Variants in SORCS2 observed in about 807,000 individuals in gnomAD.
SORCS2 encodes sortilin related VPS10 domain containing receptor 2, also known as VPS10 domain-containing receptor SorCS2.
SORCS2 carries 100 observed loss-of-function variants against 141.6 expected under a neutral mutation model. The ratio of observed to expected loss-of-function variants is 0.71; its 90% CI spans 0.60 to 0.83. SORCS2 has a LOEUF of 0.83. SORCS2 is among the 40% of genes least tolerant of loss of function. The pLI is 0.00. For missense variants in SORCS2, 1,646 were observed against 1,560.2 expected (o/e 1.05, Z -0.93); for synonymous variants, 789 against 676.9 (o/e 1.17, Z -2.57).
At chr4:7,654,661 G>A (rs976023211) in intron 5 of SORCS2, among the ~76,000 whole-genome samples, 22 of 152,116 alleles carry the variant, frequency 1.4e-4, no homozygotes, top group Admixed American at 5.9e-4. Flanking sequence ...CGTGGGTGCC[G>A]ACCCGGCCTG....
intron 10 of SORCS2, among the ~76,000 whole-genome samples, chr4:7,687,277 A>G (rs1056024554): frequency 6.6e-6 from 1 of 152,118 alleles, no homozygotes; most frequent in Non-Finnish European, 1.5e-5. Flanking sequence ...GCAGAAGCCC[A>G]ACCCTGCCTA....
intron 1 of SORCS2, among the ~76,000 whole-genome samples, chr4:7,230,785 G>A (rs1711815573): frequency 6.6e-6 from 1 of 151,798 alleles, no homozygotes; most frequent in South Asian, 2.1e-4. Flanking sequence ...GTATGATGGA[G>A]ATGAAGATGG....
At chr4:7,530,232 G>A (rs1711529297) in intron 2 of SORCS2, among the ~76,000 whole-genome samples, 1 of 152,208 alleles carries the variant, frequency 6.6e-6, no homozygotes, top group Admixed American at 6.5e-5. Context: ...TGTCCCCTCG[G>A]CCCCCAGAGG....
chr4:7,540,973 G>A (rs186171886), intron 3 of SORCS2, among the ~76,000 whole-genome samples: 3 of 152,234 alleles, frequency 2.0e-5, no homozygotes, highest in Admixed American at 6.5e-5. Flanking sequence ...AGTGCGTGAG[G>A]CATGGGGGTA....
Position 7,284,181 on chromosome 4 carries a change from T to C in SORCS2, c.480+91055T>C, listed in dbSNP as rs929171410. Among the ~76,000 whole-genome samples the C allele has an allele frequency of 2.6e-5, 4 of 152,174 alleles. No homozygotes were observed. The Middle Eastern group carries it at 0.01, about 388-fold the overall frequency. On this transcript the variant is annotated intron_variant, in intron 1 of 26. Coordinates refer to ENST00000507866, the MANE Select transcript of SORCS2 (RefSeq NM_020777.3). ...AAGCACGAAGCTCCTTCCCTGGCCA[T>C]TTTCAACTGGGACAGGGCAGGAGGG...
chr4:7,720,380 A>G (rs1214176908), intron 18 of SORCS2, among the ~76,000 whole-genome samples: 2 of 152,222 alleles, frequency 1.3e-5, no homozygotes, highest in Admixed American at 1.3e-4. Flanking sequence ...AAAATTGCCT[A>G]GATTTAAATG....
At chr4:7,305,918 G>A (rs1041774824) in intron 1 of SORCS2, among the ~76,000 whole-genome samples, 4 of 152,240 alleles carry the variant, frequency 2.6e-5, no homozygotes, top group African/African-American at 4.8e-5. Context: ...GTGCAAACAC[G>A]GAGGGGTGAG....
chr4:7,603,625 A>T (rs1050421610), intron 3 of SORCS2, among the ~76,000 whole-genome samples: 6 of 152,224 alleles, frequency 3.9e-5, no homozygotes, highest in Non-Finnish European at 5.9e-5. Context: ...ATTATCTGAT[A>T]AGTCCAATAT....
At chr4:7,394,087 T>C (rs76955891) in intron 1 of SORCS2, among the ~76,000 whole-genome samples, 2,094 of 150,842 alleles carry the variant, frequency 0.014, 40 homozygotes, top group African/African-American at 0.049. Context: ...AAAGTCCCAT[T>C]TGGCTTGGTC....
intron 1 of SORCS2, among the ~76,000 whole-genome samples, chr4:7,292,112 C>G (rs1716644246): frequency 6.6e-6 from 1 of 152,218 alleles, no homozygotes; most frequent in South Asian, 2.1e-4. Context: ...TCTCAGCTCT[C>G]TCCCGCTGAT....
chr4:7,570,676 G>A (rs745782624), intron 3 of SORCS2, among the ~76,000 whole-genome samples: 29 of 152,160 alleles, frequency 1.9e-4, no homozygotes, highest in Non-Finnish European at 7.4e-5. Context: ...TGGCTTCCTG[G>A]TTCTGCTTTT....
chr4:7,696,378 G>A (rs562918724), intron 11 of SORCS2, among the ~76,000 whole-genome samples: 18 of 152,306 alleles, frequency 1.2e-4, no homozygotes, highest in Admixed American at 5.9e-4. Flanking sequence ...GCTATTTCAG[G>A]ATGCTGGTTA....
chr4:7,198,605 G>A (rs932539276), intron 1 of SORCS2, among the ~76,000 whole-genome samples: 4 of 152,162 alleles, frequency 2.6e-5, no homozygotes, highest in Admixed American at 1.3e-4. Context: ...CATCTCTGTC[G>A]TGATAGCTCA....
At chr4:7,507,645 G>A (rs1159846414) in intron 2 of SORCS2, among the ~76,000 whole-genome samples, 3 of 152,178 alleles carry the variant, frequency 2.0e-5, no homozygotes, top group Non-Finnish European at 2.9e-5. Context: ...ACTCAGCACC[G>A]TGACACACAC....
At chr4:7,194,476 A>G (rs1361932986) in intron 1 of SORCS2, among the ~76,000 whole-genome samples, 1 of 152,182 alleles carries the variant, frequency 6.6e-6, no homozygotes. Flanking sequence ...CCTAGAGCCC[A>G]GCTCCCCAAC....
At chr4:7,631,216 C>T (rs559859424) in intron 3 of SORCS2, among the ~76,000 whole-genome samples, 49 of 151,524 alleles carry the variant, frequency 3.2e-4, no homozygotes, top group African/African-American at 1.0e-3. Context: ...TCCCGCGGGC[C>T]GGGGAAGAGT....
Position 7,633,891 on chromosome 4 carries a change from G to A in SORCS2, c.649-4437G>A, listed in dbSNP as rs148469898. Among the ~76,000 whole-genome samples, 574 of 122,502 alleles carry A rather than the reference G, an allele frequency of 4.7e-3. 162 individuals carry two copies. The highest frequency in any genetic ancestry group is 0.029 in the South Asian group (96 of 3,326). 80.4% of individuals were successfully genotyped at this position (122,502 alleles called of 152,430 possible). On this transcript the variant is annotated intron_variant, in intron 3 of 26. Coordinates refer to ENST00000507866, the MANE Select transcript of SORCS2 (RefSeq NM_020777.3). ...GTGAGGATGGTGGACACACAGTTGC[G>A]TCGTAAGAACGTTTGAAAAACTGTA... is the stretch of plus-strand genomic sequence containing the variant.
chr4:7,708,043 C>G (rs1354985174), intron 14 of SORCS2, among the ~76,000 whole-genome samples: 1 of 152,228 alleles, frequency 6.6e-6, no homozygotes, highest in Non-Finnish European at 1.5e-5. Flanking sequence ...GCTTGAGGAG[C>G]TGTCAGGAGG....
chr4:7,703,419 T>G (rs752309983), intron 13 of SORCS2, 48 bp downstream of exon 13: 11 of 1,504,104 alleles, frequency 7.3e-6, no homozygotes, highest in Admixed American at 5.7e-5. Context: ...GCTGGGGCTC[T>G]TTCTTTCCAC....
Sources: gnomAD v4.1 joint callset for allele counts (sites outside exome capture counted in the v4.1 genomes callset) on GRCh38, gnomAD v4.1.1 for gene constraint, MANE v1.5 for transcripts, NCBI Gene and HGNC (gene_info 2026-07-23, HGNC 2026-07-21) for gene names.